The following MACROH2A1 variants were observed in gnomAD, a reference collection of about 807,000 sequenced individuals.
MACROH2A1 encodes the protein core histone macro-H2A.1.
MACROH2A1 carries 2 observed loss-of-function variants against 31.6 expected under a neutral mutation model. The observed-to-expected ratio is 0.06, with a 90% CI of 0.03 to 0.20. The LOEUF is 0.20. Ranked by LOEUF, MACROH2A1 falls within the 10% of genes least tolerant of loss-of-function variation. MACROH2A1 has a pLI of 1.00. For synonymous variants in MACROH2A1, 169 were observed against 189.6 expected (o/e 0.89, Z 0.89); for missense variants, 230 against 474.0 (o/e 0.49, Z 4.78).
intron 8 of MACROH2A1, among the ~76,000 whole-genome samples, chr5:135,341,471 C>T (rs1054797876): frequency 1.3e-5 from 2 of 152,222 alleles, no homozygotes; most frequent in Non-Finnish European, 2.9e-5. Flanking sequence ...GTGATACAGG[C>T]TCCAGAGAAG....
chr5:135,391,174 T>C (rs1283599571), intron 1 of MACROH2A1, among the ~76,000 whole-genome samples: 1 of 152,248 alleles, frequency 6.6e-6, no homozygotes, highest in Non-Finnish European at 1.5e-5. Flanking sequence ...GCCTGTGTTT[T>C]CAGGCAAGGC....
chr5:135,379,779 GA>G (rs1343241580), intron 2 of MACROH2A1, among the ~76,000 whole-genome samples: 5 of 152,196 alleles, frequency 3.3e-5, no homozygotes, highest in African/African-American at 1.2e-4. Flanking sequence ...AGCCCGTCCT[GA>G]TGGTCATCCA....
At chr5:135,368,616 T>C (rs1026267608) in intron 4 of MACROH2A1, among the ~76,000 whole-genome samples, 4 of 152,182 alleles carry the variant, frequency 2.6e-5, no homozygotes, top group Admixed American at 2.0e-4. Flanking sequence ...GCACTGTCCA[T>C]TGTTTGTTGG....
chr5:135,381,432 A>G (rs952663464), intron 2 of MACROH2A1, among the ~76,000 whole-genome samples: 2 of 152,156 alleles, frequency 1.3e-5, no homozygotes, highest in African/African-American at 4.8e-5. Flanking sequence ...ACTTAAAATG[A>G]AGAGAAAAAA....
In MACROH2A1 at chr5:135,357,668, C is replaced by G. The variant is rs1287442342; in HGVS notation, c.588+2829G>C. ...GTTTTTTCTGAAAATTTTAAAACCTCTGAAAAAAGGCTGCAAATCTTGGCT... is the reference window on the plus strand; with the variant it reads ...GTTTTTTCTGAAAATTTTAAAACCTGTGAAAAAAGGCTGCAAATCTTGGCT... On this transcript the variant is annotated intron_variant, in intron 5 of 8. Coordinates refer to ENST00000511689, the MANE Select transcript of MACROH2A1 (RefSeq NM_138610.3). The G allele has an allele frequency of 8.6e-6, 8 of 932,508 alleles. No individual in the cohort carries two copies. In the African/African-American group the frequency reaches 1.1e-4, roughly 12 times the overall value. The allele number at this position is 932,508 out of a possible 1,614,324, so 57.8% of individuals were successfully genotyped here. A position where few individuals can be genotyped will look rare whatever the true frequency, so the allele number is the denominator to read the frequency against.
At chr5:135,365,537 C>T (rs1351630102) in intron 4 of MACROH2A1, among the ~76,000 whole-genome samples, 2 of 152,184 alleles carry the variant, frequency 1.3e-5, no homozygotes, top group Non-Finnish European at 2.9e-5. Context: ...TCCCTGAACA[C>T]TGAGGGAAGG....
chr5:135,358,973 G>A (rs1449232142), intron 5 of MACROH2A1: 1 of 985,356 alleles, frequency 1.0e-6, no homozygotes, highest in East Asian at 1.1e-4. Context: ...AACAAACAGA[G>A]CCCAGAGGAG....
intron 1 of MACROH2A1, among the ~76,000 whole-genome samples, chr5:135,391,307 G>A (rs1767204457): frequency 6.6e-6 from 1 of 152,170 alleles, no homozygotes; most frequent in South Asian, 2.1e-4. Flanking sequence ...GGGGAGGCCT[G>A]TGGTCAGTGA....
Position 135,367,800 on chromosome 5 carries a change from T to C in MACROH2A1, c.477+1606A>G, listed in dbSNP as rs1181120222. On this transcript the variant is annotated intron_variant, in intron 4 of 8. Transcript: ENST00000511689. ...TCTGGGGCTCATAATCAAAAGATGATAGATTCAGTATCTTCGTTGCCTTTT... is the reference window on the plus strand; with the variant it reads ...TCTGGGGCTCATAATCAAAAGATGACAGATTCAGTATCTTCGTTGCCTTTT... Among the ~76,000 whole-genome samples, 6 of 152,254 alleles carry C rather than the reference T, an allele frequency of 3.9e-5. No homozygotes were observed. The East Asian group carries it at 9.6e-4, about 24-fold the overall frequency.
At chr5:135,336,750 T>C (rs2149697392) in intron 8 of MACROH2A1, among the ~76,000 whole-genome samples, 1 of 152,332 alleles carries the variant, frequency 6.6e-6, no homozygotes, top group Non-Finnish European at 1.5e-5. Context: ...TTTGCAGATC[T>C]GAAATCTTGG....
In MACROH2A1 at chr5:135,394,728, T is replaced by C. The variant is rs1033487025; in HGVS notation, c.-34+4334A>G. 5.9e-5 allele frequency among the ~76,000 whole-genome samples: 9 copies of C among 152,224 alleles called. 1 individual carries two copies. Among genetic ancestry groups the C allele is most frequent in the African/African-American group, 2.2e-4 (9 of 41,448 alleles). The stretch of plus-strand genomic sequence containing the variant: ...TATCCCATTCTTAGCACTCAGTGCA[T>C]GGTATCATCATTGCCTATTTACCTG... On this transcript the variant is annotated intron_variant, in intron 1 of 8. Transcript: ENST00000511689.
intron 1 of MACROH2A1, among the ~76,000 whole-genome samples, chr5:135,397,360 G>A (rs1159998294): frequency 6.6e-6 from 1 of 152,110 alleles, no homozygotes; most frequent in Non-Finnish European, 1.5e-5. Context: ...CCAGTGGCAT[G>A]GTTGTATACT....
At chr5:135,389,720 T>C (rs1197340140) in intron 1 of MACROH2A1, among the ~76,000 whole-genome samples, 1 of 152,194 alleles carries the variant, frequency 6.6e-6, no homozygotes, top group Non-Finnish European at 1.5e-5. Context: ...CCTTCCTTGC[T>C]CCCAATCCCC....
intron 2 of MACROH2A1, among the ~76,000 whole-genome samples, chr5:135,375,629 T>C (rs768021653): frequency 6.6e-6 from 1 of 152,110 alleles, no homozygotes; most frequent in Non-Finnish European, 1.5e-5. Context: ...ACCCTTGCAA[T>C]AGGAAAGAGT....
intron 5 of MACROH2A1, chr5:135,355,344 C>T (rs1258213518): frequency 2.3e-6 from 1 of 434,848 alleles, no homozygotes; most frequent in South Asian, 1.7e-5. Context: ...GACTACAGTA[C>T]CTCAGGGAGC....
At chr5:135,354,791 T>C in intron 5 of MACROH2A1, 1 of 339,272 alleles carries the variant, frequency 2.9e-6, no homozygotes, top group South Asian at 2.4e-5. Flanking sequence ...TATTATTTAG[T>C]TCTGCATTTG....
intron 2 of MACROH2A1, among the ~76,000 whole-genome samples, chr5:135,377,937 A>G (rs1765117060): frequency 6.6e-6 from 1 of 152,118 alleles, no homozygotes; most frequent in African/African-American, 2.4e-5. Context: ...AGTGTGTCAT[A>G]GAAAGGGAGG....
In MACROH2A1 at chr5:135,369,438, C is replaced by T. The variant is rs1467521394; in HGVS notation, c.445G>A (p.Ala149Thr). 1 of 1,614,196 alleles carries T rather than the reference C, an allele frequency of 6.2e-7. No homozygotes were observed. Among genetic ancestry groups the T allele is most frequent in the Admixed American group, 1.7e-5 (1 of 60,030 alleles). Reference protein sequence around the residue: ...PSQKKPVSKKAGGKKGARKSK... With the variant: ...PSQKKPVSKKTGGKKGARKSK... ...TTCCGGGCCCCTTTCTTGCCTCCTG[C>T]TTTTTTAGATACAGGCTTCTTCTGG... Residue 149 changes from alanine (A) to threonine (T), a missense_variant, in exon 4 of 9, where the codon GCA becomes ACA. Physicochemically the swap from Ala to Thr is moderately conservative, Grantham distance 58 (BLOSUM62 0). This residue lies in a region of MACROH2A1 where 183 missense variants were observed against 319.3 expected (regional missense o/e 0.57). Coordinates refer to ENST00000511689, the MANE Select transcript of MACROH2A1 (RefSeq NM_138610.3). This position sits in a 1 kb window ranked among gnomAD's most constrained non-coding sequence, Gnocchi z 4.3.
chr5:135,365,527 TC>T (rs1324574573), intron 4 of MACROH2A1, among the ~76,000 whole-genome samples: 1 of 152,142 alleles, frequency 6.6e-6, no homozygotes, highest in African/African-American at 2.4e-5. Context: ...CTGCACCTCC[TC>T]CCTGAACACT....
Sources: gnomAD v4.1 joint callset for allele counts (sites outside exome capture counted in the v4.1 genomes callset) on GRCh38, gnomAD v4.1.1 for gene constraint, gnomAD v4.1.1 regional missense constraint, Gnocchi (gnomAD v3.1) non-coding constraint, MANE v1.5 for transcripts, NCBI Gene and HGNC (gene_info 2026-07-23, HGNC 2026-07-21) for gene names.